NWD2: variants seen among roughly 807,000 people sequenced by gnomAD.
NWD2 encodes the protein NACHT and WD repeat domain-containing protein 2.
Under a neutral mutation model 132.7 loss-of-function variants are expected in NWD2, and 37 were observed. The observed-to-expected ratio is 0.28, with a 90% CI of 0.21 to 0.37. NWD2 has a LOEUF of 0.37. Ranked by LOEUF, NWD2 falls within the 10% of genes least tolerant of loss-of-function variation. NWD2 has a pLI of 1.00. For synonymous variants in NWD2, 705 were observed against 803.0 expected (o/e 0.88, Z 2.06); for missense variants, 1,592 against 2,122.4 (o/e 0.75, Z 4.91).
intron 3 of NWD2, among the ~76,000 whole-genome samples, chr4:37,381,938 A>T (rs1720462375): frequency 2.6e-5 from 4 of 152,212 alleles, no homozygotes; most frequent in Non-Finnish European, 4.4e-5. Flanking sequence ...ACATTTTTTT[A>T]AATTTCAAAA....
intron 1 of NWD2, among the ~76,000 whole-genome samples, chr4:37,263,694 T>A (rs969336941): frequency 1.3e-5 from 2 of 152,110 alleles, no homozygotes; most frequent in African/African-American, 2.4e-5. Flanking sequence ...TTTAGTAAAG[T>A]GAGCATGTGC....
intron 2 of NWD2, among the ~76,000 whole-genome samples, chr4:37,345,560 T>C (rs1167389782): frequency 6.6e-6 from 1 of 152,196 alleles, no homozygotes; most frequent in African/African-American, 2.4e-5. Flanking sequence ...TTTGTCCTTT[T>C]ATTACTGAGT....
At chr4:37,263,515 G>A (rs1717691327) in intron 1 of NWD2, among the ~76,000 whole-genome samples, 1 of 152,106 alleles carries the variant, frequency 6.6e-6, no homozygotes, top group Admixed American at 6.6e-5. Flanking sequence ...ACCTCTTTAA[G>A]CCTTGGTTTC....
intron 1 of NWD2, among the ~76,000 whole-genome samples, chr4:37,259,256 G>A (rs1449180667): frequency 6.6e-6 from 1 of 152,166 alleles, no homozygotes; most frequent in Non-Finnish European, 1.5e-5. Context: ...ATGCAGTTAT[G>A]TGGATTCAAT....
chr4:37,446,674 C>T lies in NWD2; in HGVS notation c.4686C>T (p.His1562=), dbSNP rs539861051. Residue 1562 remains histidine (H), a synonymous_variant, in exon 7 of 7, where the codon CAC becomes CAT. Transcript: ENST00000309447. This position sits in a 1 kb window ranked among gnomAD's most constrained non-coding sequence, Gnocchi z 6.7. The part of the protein sequence containing the change: ...DLYSGKLRVV[H]ASGIIWRQRL... ...ACAGTGGTAAATTGCGGGTGGTTCA[C>T]GCCTCTGGGATCATCTGGCGGCAGA... is the stretch of plus-strand genomic sequence containing the variant. The T allele has an allele frequency of 1.6e-5, 25 of 1,551,102 alleles. No homozygotes were observed. The highest frequency in any genetic ancestry group is 5.5e-5 in the African/African-American group (4 of 72,968).
In NWD2 at chr4:37,405,064, C is replaced by T. The variant is rs145409757; in HGVS notation, c.358-25508C>T. 1.6e-4 allele frequency among the ~76,000 whole-genome samples: 24 copies of T among 152,236 alleles called. 1 individual carries two copies. The East Asian group carries it at 4.6e-3, about 29-fold the overall frequency. ...GGCAATAATCTTGTCTTCTATTTAT[C>T]GTACCTTCCTCTTCACTGAAATGAT... On this transcript the variant is annotated intron_variant, in intron 3 of 6. Transcript: ENST00000309447.
rs185506836 is a variant in NWD2 at position 37,339,727 on chromosome 4, A to G, written c.240+13703A>G. ...ACAAGTATGGTTTTAGTGCATGGAT[A>G]TATTGAATAGTTGTAAAAAGTCTGA... On this transcript the variant is annotated intron_variant, in intron 2 of 6. Coordinates refer to ENST00000309447, the MANE Select transcript of NWD2 (RefSeq NM_001144990.2). Among the ~76,000 whole-genome samples, 14 of 152,312 alleles carry G rather than the reference A, an allele frequency of 9.2e-5. No homozygotes were observed. The East Asian group carries it at 9.6e-4, about 10-fold the overall frequency.
chr4:37,353,160 A>T (rs963114531), intron 2 of NWD2, among the ~76,000 whole-genome samples: 6 of 152,184 alleles, frequency 3.9e-5, no homozygotes, highest in African/African-American at 1.4e-4. Flanking sequence ...TTCTTTCTTT[A>T]AGAATGTTGA....
intron 1 of NWD2, among the ~76,000 whole-genome samples, chr4:37,288,586 T>A (rs1233879731): frequency 1.3e-5 from 2 of 152,252 alleles, no homozygotes; most frequent in African/African-American, 4.8e-5. Context: ...CAGGACAGCA[T>A]GTGCAGAAAT....
intron 3 of NWD2, among the ~76,000 whole-genome samples, chr4:37,410,432 A>G (rs1201323194): frequency 1.3e-5 from 2 of 152,242 alleles, no homozygotes; most frequent in Non-Finnish European, 2.9e-5. Flanking sequence ...AAAGGGATCA[A>G]TGCAGCAAGG....
chr4:37,391,319 A>G (rs1720676048), intron 3 of NWD2, among the ~76,000 whole-genome samples: 1 of 152,218 alleles, frequency 6.6e-6, no homozygotes, highest in Non-Finnish European at 1.5e-5. Context: ...ACATGAACAG[A>G]TCAGCCAGAA....
Position 37,446,970 on chromosome 4 carries a change from A to C in NWD2, c.4982A>C (p.Asn1661Thr). 1.3e-6 allele frequency: 2 copies of C among 1,551,690 alleles called. No homozygotes were observed. The highest frequency in any genetic ancestry group is 2.4e-5 in the South Asian group (2 of 84,048). Residue 1661 changes from asparagine to threonine, a missense_variant, in exon 7 of 7, where the codon AAT becomes ACT. Physicochemically the swap from Asn to Thr is moderately conservative, Grantham distance 65. Transcript: ENST00000309447. The surrounding 1 kb of genome is among the most constrained non-coding windows in gnomAD (Gnocchi z 6.7). ...AALKIKIATS[N>T]SRQIFNNATH... is the part of the protein sequence containing the mutation. ...CTGAAAATCAAAATTGCCACTTCAA[A>C]TAGCAGACAAATTTTCAACAATGCA...
intron 3 of NWD2, among the ~76,000 whole-genome samples, chr4:37,424,052 C>T (rs1450650855): frequency 6.6e-6 from 1 of 152,060 alleles, no homozygotes; most frequent in Non-Finnish European, 1.5e-5. Flanking sequence ...TAATATTGGC[C>T]ATGAGCTCCA....
At chr4:37,409,136 A>G (rs1721103196) in intron 3 of NWD2, among the ~76,000 whole-genome samples, 1 of 152,124 alleles carries the variant, frequency 6.6e-6, no homozygotes, top group African/African-American at 2.4e-5. Context: ...CAGCAAGGGA[A>G]CAAAACTGGA....
chr4:37,288,746 C>T lies in NWD2; in HGVS notation c.152-37190C>T, dbSNP rs551061021. The stretch of plus-strand genomic sequence containing the variant: ...AAGTAGAAATTGTTGTTGTGAATTA[C>T]CCATTTGCATATATTAAACAATGGT... On this transcript the variant is annotated intron_variant, in intron 1 of 6. Coordinates refer to ENST00000309447, the MANE Select transcript of NWD2 (RefSeq NM_001144990.2). 3.9e-5 allele frequency among the ~76,000 whole-genome samples: 6 copies of T among 152,284 alleles called. No homozygotes were observed. The South Asian group carries it at 1.0e-3, about 26-fold the overall frequency.
chr4:37,280,952 C>T (rs918145520), intron 1 of NWD2, among the ~76,000 whole-genome samples: 1 of 152,090 alleles, frequency 6.6e-6, no homozygotes, highest in African/African-American at 2.4e-5. Context: ...GCATACATCA[C>T]AGCAAGCTGG....
intron 3 of NWD2, among the ~76,000 whole-genome samples, chr4:37,391,029 C>T (rs570088333): frequency 1.3e-5 from 2 of 152,326 alleles, no homozygotes; most frequent in African/African-American, 4.8e-5. Flanking sequence ...CAATCTACCT[C>T]ACTGATTTTT....
intron 3 of NWD2, among the ~76,000 whole-genome samples, chr4:37,398,112 C>G (rs181569197): frequency 6.6e-6 from 1 of 152,322 alleles, no homozygotes; most frequent in Admixed American, 6.5e-5. Flanking sequence ...GTTCAAAGCA[C>G]TCTATTCAAA....
chr4:37,294,674 T>G lies in NWD2; in HGVS notation c.152-31262T>G, dbSNP rs143271223. Among the ~76,000 whole-genome samples the G allele has an allele frequency of 2.6e-5, 4 of 152,226 alleles. No homozygotes were observed. The South Asian group carries it at 8.3e-4, about 32-fold the overall frequency. ...AAACAAAAAACCTTAATTCGATAGA[T>G]TTGACTATTTTTAAGGATAAGGTCA... On this transcript the variant is annotated intron_variant, in intron 1 of 6. Coordinates refer to ENST00000309447, the MANE Select transcript of NWD2 (RefSeq NM_001144990.2).
Sources: gnomAD v4.1 joint callset for allele counts (sites outside exome capture counted in the v4.1 genomes callset) on GRCh38, gnomAD v4.1.1 for gene constraint, Gnocchi (gnomAD v3.1) non-coding constraint, MANE v1.5 for transcripts, NCBI Gene and HGNC (gene_info 2026-07-23, HGNC 2026-07-21) for gene names.